Variants in C10orf67 observed in about 807,000 individuals in gnomAD.
C10orf67 encodes the protein uncharacterized protein C10orf67, mitochondrial.
In C10orf67, 60 loss-of-function variants were observed where a neutral mutation model predicts 35.6. The ratio of observed to expected loss-of-function variants is 1.68; its 90% CI spans 1.37 to 2.09. C10orf67 has a LOEUF of 2.09. C10orf67 is among the 30% of genes most tolerant of loss of function. The pLI is 0.00. For missense variants in C10orf67, 474 were observed against 330.2 expected, an observed-to-expected ratio of 1.44 and a Z score of -3.38; for synonymous variants, 167 against 115.8, an observed-to-expected ratio of 1.44 and a Z score of -2.84.
chr10:23,210,844 C>T lies in C10orf67; in HGVS notation c.1571-6589G>A, dbSNP rs184526777. Among the ~76,000 whole-genome samples the T allele has an allele frequency of 2.0e-3, 298 of 152,250 alleles. 3 individuals are homozygous for T. The highest frequency in any genetic ancestry group is 5.7e-3 in the African/African-American group (235 of 41,540). ...AATGCTAGAACATATGTTGAAGCTT[C>T]AAAGAAGTAGCTTTCTAACTGATCA... On this transcript the variant is annotated intron_variant, in intron 15 of 15. Coordinates refer to ENST00000636213, the MANE Select transcript of C10orf67 (RefSeq NM_001371909.1).
At chr10:23,261,606 CT>C (rs1842752588) in intron 10 of C10orf67, among the ~76,000 whole-genome samples, 1 of 152,172 alleles carries the variant, frequency 6.6e-6, no homozygotes, top group African/African-American at 2.4e-5. Context: ...GCAGCCACCC[CT>C]GGACTGTTTT....
chr10:23,225,127 G>A (rs972411319), intron 13 of C10orf67, among the ~76,000 whole-genome samples: 45 of 152,108 alleles, frequency 3.0e-4, no homozygotes, highest in Non-Finnish European at 3.5e-4. Context: ...GAGAAAGGTC[G>A]GGTTACCCAC....
intron 13 of C10orf67, among the ~76,000 whole-genome samples, chr10:23,232,754 G>C (rs1841945193): frequency 6.6e-6 from 1 of 152,148 alleles, no homozygotes; most frequent in Non-Finnish European, 1.5e-5. Context: ...AACATGACTT[G>C]AAAGAGAATG....
chr10:23,267,520 G>C (rs1842916460), intron 8 of C10orf67, among the ~76,000 whole-genome samples: 3 of 152,256 alleles, frequency 2.0e-5, no homozygotes, highest in Admixed American at 1.3e-4. Context: ...GTACAACAAA[G>C]ATCATAGGAA....
At chr10:23,292,206 C>T (rs1843743451) in intron 5 of C10orf67, among the ~76,000 whole-genome samples, 1 of 109,646 alleles carries the variant, frequency 9.1e-6, no homozygotes, top group Non-Finnish European at 1.7e-5. Flanking sequence ...TGTTTCAAAG[C>T]TATTGAAAAC....
chr10:23,316,949 G>T (rs1455674185), intron 4 of C10orf67: 2 of 152,296 alleles, frequency 1.3e-5, no homozygotes, highest in Non-Finnish European at 2.9e-5. Flanking sequence ...TCCAGTCTGT[G>T]GAACTGGCAG....
chr10:23,297,059 C>A (rs1215584010), intron 5 of C10orf67, among the ~76,000 whole-genome samples: 1 of 152,214 alleles, frequency 6.6e-6, no homozygotes, highest in African/African-American at 2.4e-5. Flanking sequence ...GGGAAGGCAA[C>A]TATGTCCTCG....
intron 5 of C10orf67, among the ~76,000 whole-genome samples, chr10:23,298,649 T>A (rs527265004): frequency 6.6e-6 from 1 of 152,242 alleles, no homozygotes; most frequent in African/African-American, 2.4e-5. Context: ...GGGATAAGGA[T>A]AAGCCAATAT....
intron 8 of C10orf67, among the ~76,000 whole-genome samples, chr10:23,276,061 A>G (rs1382923775): frequency 1.3e-5 from 2 of 152,202 alleles, no homozygotes; most frequent in Non-Finnish European, 2.9e-5. Context: ...GTGATTAACG[A>G]TTCTGGTTTT....
intron 13 of C10orf67, among the ~76,000 whole-genome samples, chr10:23,232,883 A>C (rs1841949192): frequency 6.6e-6 from 1 of 152,182 alleles, no homozygotes; most frequent in Admixed American, 6.5e-5. Context: ...CATAATGGGC[A>C]TGGTGGCTCA....
chr10:23,221,018 T>C (rs1474786662), intron 15 of C10orf67, among the ~76,000 whole-genome samples: 1 of 152,210 alleles, frequency 6.6e-6, no homozygotes, highest in Non-Finnish European at 1.5e-5. Flanking sequence ...CCAAATAGGT[T>C]ATAGTAACCC....
Position 23,343,785 on chromosome 10 carries a change from AAAAC to A in C10orf67, c.206+780_206+783del, listed in dbSNP as rs1375859043. ...TCTTTTCGGACAGTGATCCCCTCGA[AAAAC>A]AAACAAAAAACTGAAGCCCAGCGGC... On this transcript the variant is annotated intron_variant, in intron 1 of 15. Coordinates refer to ENST00000636213, the MANE Select transcript of C10orf67 (RefSeq NM_001371909.1). 18 of 338,368 alleles carry A rather than the reference AAAAC, an allele frequency of 5.3e-5. No homozygotes were observed. In the East Asian group the frequency reaches 1.9e-3, roughly 35 times the overall value. The allele number at this position is 338,368 out of a possible 1,614,324, so 21.0% of individuals were successfully genotyped here.
chr10:23,237,444 T>C (rs1842078534), intron 13 of C10orf67, among the ~76,000 whole-genome samples: 1 of 152,232 alleles, frequency 6.6e-6, no homozygotes, highest in African/African-American at 2.4e-5. Flanking sequence ...AAAACAAACT[T>C]TCACAAGTGA....
chr10:23,302,652 A>G (rs1234460286), intron 5 of C10orf67, among the ~76,000 whole-genome samples: 1 of 152,238 alleles, frequency 6.6e-6, no homozygotes, highest in Non-Finnish European at 1.5e-5. Flanking sequence ...CCGGTGGCTC[A>G]GAGCAGACAT....
chr10:23,212,051 A>T lies in C10orf67; in HGVS notation c.1571-7796T>A, dbSNP rs191655401. On this transcript the variant is annotated intron_variant, in intron 15 of 15. Transcript: ENST00000636213. ...GGTCTTTGCAGATGATCAAATTAAGATGAGGTCATTAGGGTGGACCTTAAC... is the reference window on the plus strand; with the variant it reads ...GGTCTTTGCAGATGATCAAATTAAGTTGAGGTCATTAGGGTGGACCTTAAC... Among the ~76,000 whole-genome samples the T allele has an allele frequency of 1.1e-3, 174 of 152,324 alleles. 1 individual carries two copies. Among genetic ancestry groups the T allele is most frequent in the African/African-American group, 4.1e-3 (170 of 41,580 alleles).
At chr10:23,222,773 A>G (rs1232165571) in intron 15 of C10orf67, among the ~76,000 whole-genome samples, 1 of 152,174 alleles carries the variant, frequency 6.6e-6, no homozygotes, top group Non-Finnish European at 1.5e-5. Context: ...TCTCAGCTGT[A>G]AAAAAACCAA....
intron 4 of C10orf67, among the ~76,000 whole-genome samples, chr10:23,304,128 G>A (rs189140442): frequency 9.5e-4 from 144 of 152,318 alleles, no homozygotes; most frequent in Admixed American, 2.5e-3. Context: ...CCCACTTTCA[G>A]CTGCAGTTTG....
At chr10:23,209,127 T>A (rs192027892) in intron 15 of C10orf67, among the ~76,000 whole-genome samples, 6 of 152,034 alleles carry the variant, frequency 3.9e-5, no homozygotes, top group Admixed American at 3.9e-4. Flanking sequence ...AGCTCACATA[T>A]GGGAGAGGGA....
At chr10:23,259,806 T>C (rs1234793140) in intron 10 of C10orf67, among the ~76,000 whole-genome samples, 1 of 151,884 alleles carries the variant, frequency 6.6e-6, no homozygotes, top group Non-Finnish European at 1.5e-5. Flanking sequence ...ATAGACTCAA[T>C]ATAACTGAAA....
Sources: allele counts gnomAD v4.1 joint callset (sites outside exome capture counted in the v4.1 genomes callset), GRCh38; gene constraint gnomAD v4.1.1; transcripts MANE v1.5; gene names NCBI Gene and HGNC (gene_info 2026-07-23, HGNC 2026-07-21).